Variants in ACACB observed in about 807,000 individuals in gnomAD.
ACACB encodes acetyl-CoA carboxylase beta.
ACACB carries 209 observed loss-of-function variants against 278.8 expected under a neutral mutation model. The observed-to-expected ratio is 0.75, with a 90% CI of 0.67 to 0.84. The LOEUF is 0.84. Ranked by LOEUF, ACACB falls within the 40% of genes least tolerant of loss-of-function variation. The pLI, the probability that ACACB is intolerant of heterozygous loss-of-function variation, is 0.00. For missense variants in ACACB, 2,850 were observed against 3,269.0 expected (o/e 0.87, Z 3.13); for synonymous variants, 1,174 against 1,285.6 (o/e 0.91, Z 1.86).
chr12:109,232,734 A>G lies in ACACB; in HGVS notation c.4067A>G (p.Asp1356Gly). ...AGGCACAGCACAGAGCTCTTCATGG[A>G]CAGCGGCTTCTCCCCACTGTGCCAG... ...LLRHSTELFM[D>G]SGFSPLCQRM... Residue 1356 changes from aspartate to glycine, a missense_variant, in exon 29 of 53, where the codon GAC (aspartate) becomes GGC (glycine). Coordinates refer to ENST00000338432, the MANE Select transcript of ACACB (RefSeq NM_001093.4). The G allele has an allele frequency of 1.9e-6, 3 of 1,614,202 alleles. No homozygotes were observed. Among genetic ancestry groups the G allele is most frequent in the Non-Finnish European group, 2.5e-6 (3 of 1,180,032 alleles).
At chr12:109,257,624 G>A (rs1373271503) in intron 45 of ACACB, among the ~76,000 whole-genome samples, 4 of 152,176 alleles carry the variant, frequency 2.6e-5, no homozygotes, top group Admixed American at 2.0e-4. Flanking sequence ...AGGCTGGAGT[G>A]CAGAGGCATG....
chr12:109,139,982 C>A lies in ACACB; in HGVS notation c.577C>A (p.Arg193=), dbSNP rs1477550372. ...TCGTGAGTCTACCCGGAAGGGCAGC[C>A]GGGCCAGCTTGGGGGCCCTGTCCCT... ...SSRESTRKGS[R]ASLGALSLEA... is the part of the protein sequence containing the mutation. The change falls in exon 2 of 53, where the codon CGG becomes AGG. Residue 193 remains arginine (R), a synonymous_variant. Transcript: ENST00000338432. 1 of 1,613,538 alleles carries A rather than the reference C, an allele frequency of 6.2e-7. No homozygotes were observed. The highest frequency in any genetic ancestry group is 1.1e-5 in the South Asian group (1 of 91,082).
intron 50 of ACACB, 107 bp downstream of exon 50, chr12:109,264,493 G>T: frequency 7.1e-7 from 1 of 1,416,196 alleles, no homozygotes; most frequent in Non-Finnish European, 9.7e-7. Flanking sequence ...GTTGGGATGG[G>T]TCAAATGCTG....
In ACACB at chr12:109,188,176, T is replaced by C. The variant is rs755093972; in HGVS notation, c.2144+14T>C. 4 of 152,742 alleles carry C rather than the reference T, an allele frequency of 2.6e-5. No homozygotes were observed. The Admixed American group carries it at 3.2e-4, about 12-fold the overall frequency. The allele number at this position is 152,742 out of a possible 1,614,324, so 9.5% of individuals were successfully genotyped here. ...AGAGGCCATTTCGTCAGTATCTCCT[T>C]CCTTCCTTCCTTCCTTCCTTCCTTC... On this transcript the variant is annotated intron_variant, in intron 13 of 52. Coordinates refer to ENST00000338432, the MANE Select transcript of ACACB (RefSeq NM_001093.4).
At chr12:109,262,067 G>A (rs554629739) in intron 48 of ACACB, among the ~76,000 whole-genome samples, 1 of 151,986 alleles carries the variant, frequency 6.6e-6, no homozygotes, top group Non-Finnish European at 1.5e-5. Context: ...GGAGGGTTAT[G>A]CTGCCATGGA....
intron 7 of ACACB, among the ~76,000 whole-genome samples, chr12:109,175,497 T>A (rs548791508): frequency 6.6e-5 from 10 of 152,200 alleles, no homozygotes; most frequent in African/African-American, 2.4e-4. Context: ...CTCACAGCAG[T>A]CTTGACCTCC....
chr12:109,237,114 C>T (rs372876002), intron 33 of ACACB, 51 bp from the exon 34 acceptor site: 27 of 1,594,836 alleles, frequency 1.7e-5, no homozygotes, highest in African/African-American at 8.0e-5. Context: ...GCAGCTCCAA[C>T]GTCACGCTGT....
chr12:109,154,548 C>G (rs1007803609), intron 2 of ACACB: 4 of 130,922 alleles, frequency 3.1e-5, no homozygotes, highest in African/African-American at 1.2e-4. Context: ...AGCGGCGGGT[C>G]GGAGGTAGGC....
In ACACB at chr12:109,266,288, C is replaced by T; in HGVS notation, c.7303C>T (p.Gln2435Ter). 6.2e-7 allele frequency: 1 copy of T among 1,613,934 alleles called. No homozygotes were observed. Among genetic ancestry groups the T allele is most frequent in the South Asian group, 1.1e-5 (1 of 91,066 alleles). ...VAVDCVIYLS[Q>*]HISPAERAQV... ...CGTGGACTGTGTGATATACCTGAGC[C>T]AGCACATCAGCCCAGCTGAGCGGGC... The change falls in exon 53 of 53, where the codon CAG becomes TAG. Residue 2435 changes from glutamine to a stop codon, truncating the protein, a stop_gained. Coordinates refer to ENST00000338432, the MANE Select transcript of ACACB (RefSeq NM_001093.4). LOFTEE classifies it high-confidence loss of function.
At chr12:109,204,585 A>T (rs2045439909) in intron 19 of ACACB, among the ~76,000 whole-genome samples, 1 of 151,422 alleles carries the variant, frequency 6.6e-6, no homozygotes, top group African/African-American at 2.4e-5. Context: ...TCAATACTAG[A>T]TCTTATTCAT....
intron 47 of ACACB, 126 bp downstream of exon 47, chr12:109,259,234 C>A: frequency 8.3e-7 from 1 of 1,203,354 alleles, no homozygotes; most frequent in Non-Finnish European, 1.2e-6. Context: ...CTCCCAACAA[C>A]CCTGAGGAGA....
At chr12:109,264,617 A>T (rs1277535675) in intron 50 of ACACB, among the ~76,000 whole-genome samples, 3 of 152,140 alleles carry the variant, frequency 2.0e-5, no homozygotes, top group East Asian at 1.9e-4. Flanking sequence ...TTTTTTAAAG[A>T]TCCCCAAGAG....
Position 109,167,129 on chromosome 12 carries a change from A to C in ACACB, c.786+136A>C, listed in dbSNP as rs554379422. 104 of 1,049,776 alleles carry C rather than the reference A, an allele frequency of 9.9e-5. No individual in the cohort carries two copies. The African/African-American group carries it at 1.4e-3, about 14-fold the overall frequency. The allele number at this position is 1,049,776 out of a possible 1,614,324, so 65.0% of individuals were successfully genotyped here. ...AGGGGGTGAGGGCCACGCTCCTCTG[A>C]GTTTTAATAGTTTAACCCTCAAATA... is the stretch of plus-strand genomic sequence containing the variant. On this transcript the variant is annotated intron_variant, in intron 3 of 52. Coordinates refer to ENST00000338432, the MANE Select transcript of ACACB (RefSeq NM_001093.4).
At chr12:109,219,394 A>G (rs1032340000) in intron 24 of ACACB, among the ~76,000 whole-genome samples, 1 of 152,136 alleles carries the variant, frequency 6.6e-6, no homozygotes, top group African/African-American at 2.4e-5. Flanking sequence ...AGAATCACCT[A>G]GGGGGTGGGG....
intron 43 of ACACB, 68 bp downstream of exon 43, chr12:109,253,226 C>T (rs2047143077): frequency 7.0e-7 from 1 of 1,432,336 alleles, no homozygotes; most frequent in African/African-American, 1.4e-5. Flanking sequence ...AATTCTGTCC[C>T]TGTCACCTCC....
intron 2 of ACACB, among the ~76,000 whole-genome samples, chr12:109,159,491 T>G (rs1009670384): frequency 6.6e-6 from 1 of 152,216 alleles, no homozygotes; most frequent in Non-Finnish European, 1.5e-5. Flanking sequence ...AAACTGTTAA[T>G]TCCATCATGT....
rs771066298 is a variant in ACACB, at chr12:109,247,684, G to A, written c.5650G>A (p.Glu1884Lys). 3.3e-5 allele frequency: 53 copies of A among 1,613,410 alleles called. No homozygotes were observed. In the East Asian group the frequency reaches 4.9e-4, roughly 15 times the overall value. ...GAACTCCGTCCACTGTAAACACATC[G>A]AGGAAGGAGGAGAGTCCAGGTAAAT... is the stretch of plus-strand genomic sequence containing the variant. ...SLNSVHCKHI[E>K]EGGESRYMIT... Residue 1884 changes from glutamate to lysine, a missense_variant, in exon 40 of 53, where the codon GAG (glutamate) becomes AAG (lysine). Physicochemically the swap from Glu to Lys is moderately conservative, Grantham distance 56. Transcript: ENST00000338432.
rs778220749 is a variant in ACACB, at chr12:109,237,164, G to C, written c.4447-1G>C. The C allele has an allele frequency of 1.2e-6, 2 of 1,614,194 alleles. No homozygotes were observed. Among genetic ancestry groups the C allele is most frequent in the Non-Finnish European group, 1.7e-6 (2 of 1,180,036 alleles). ...GTCTTCTCTCTCTGGTCCGCCTACA[G>C]TTTGCAGAAGATCGCATTTACCGTC... On this transcript the variant is annotated splice_acceptor_variant, in intron 33 of 52. Transcript: ENST00000338432. LOFTEE classifies it high-confidence loss of function.
chr12:109,187,393 T>TTAAC (rs1405122574), intron 12 of ACACB, among the ~76,000 whole-genome samples: 1 of 152,124 alleles, frequency 6.6e-6, no homozygotes, highest in Non-Finnish European at 1.5e-5. Flanking sequence ...GTTCGCCCAT[T>TTAAC]TAACACCTGC....
Sources: gnomAD v4.1 joint callset for allele counts (sites outside exome capture counted in the v4.1 genomes callset) on GRCh38, gnomAD v4.1.1 for gene constraint, MANE v1.5 for transcripts, NCBI Gene and HGNC (gene_info 2026-07-23, HGNC 2026-07-21) for gene names.